Variants in RGS7 observed in about 807,000 individuals in gnomAD.
RGS7 encodes regulator of G protein signaling 7, also known as regulator of G-protein signaling 7.
RGS7 carries 27 observed loss-of-function variants against 81.1 expected under a neutral mutation model. The ratio of observed to expected loss-of-function variants is 0.33; its 90% CI spans 0.25 to 0.46. The LOEUF (loss-of-function observed/expected upper bound fraction) is 0.46, where lower values mean the gene tolerates loss of function less well. Among genes scored for constraint, RGS7 ranks in the 20% least tolerant of loss-of-function variants. The pLI is 1.00. For missense variants in RGS7, 396 were observed against 607.4 expected (o/e 0.65, Z 3.66); for synonymous variants, 208 against 207.7 (o/e 1.00, Z -0.01).
At chr1:241,058,450 C>G (rs1011151650) in intron 3 of RGS7, among the ~76,000 whole-genome samples, 2 of 152,316 alleles carry the variant, frequency 1.3e-5, no homozygotes, top group East Asian at 3.9e-4. Flanking sequence ...GCCCTCTTGG[C>G]CCTCTTCCAA....
intron 9 of RGS7, among the ~76,000 whole-genome samples, chr1:240,834,641 G>C (rs2147845330): frequency 6.6e-6 from 1 of 152,244 alleles, no homozygotes; most frequent in Non-Finnish European, 1.5e-5. Flanking sequence ...CTCCCGAGTA[G>C]CTGGGACTAC....
chr1:241,220,201 A>C (rs2074811247), intron 2 of RGS7, among the ~76,000 whole-genome samples: 1 of 152,208 alleles, frequency 6.6e-6, no homozygotes, highest in Admixed American at 6.5e-5. Flanking sequence ...GCAACTCCAG[A>C]TCTTAACTCT....
At chr1:241,339,411 G>A (rs182554344) in intron 2 of RGS7, among the ~76,000 whole-genome samples, 7 of 152,204 alleles carry the variant, frequency 4.6e-5, no homozygotes, top group East Asian at 1.9e-4. Flanking sequence ...TCAGAGTCTC[G>A]CTGTTAAGTT....
Position 241,153,495 on chromosome 1 carries a change from G to C in RGS7, c.79-54733C>G, listed in dbSNP as rs553109032. Among the ~76,000 whole-genome samples the C allele has an allele frequency of 4.6e-5, 7 of 152,246 alleles. No homozygotes were observed. The East Asian group carries it at 9.6e-4, about 21-fold the overall frequency. ...AAAAAAAGTGGTTAGATTTACAAAA[G>C]GCAAGGAAGGAAAATGTGTAAAGGG... is the stretch of plus-strand genomic sequence containing the variant. On this transcript the variant is annotated intron_variant, in intron 2 of 18. Transcript: ENST00000440928.
Position 240,858,522 on chromosome 1 carries a change from T to C in RGS7, c.609+10065A>G, listed in dbSNP as rs115942742. Among the ~76,000 whole-genome samples the C allele has an allele frequency of 3.9e-3, 589 of 152,324 alleles. 5 individuals carry two copies. The highest frequency in any genetic ancestry group is 0.014 in the African/African-American group (562 of 41,566). On this transcript the variant is annotated intron_variant, in intron 9 of 18. Transcript: ENST00000440928. ...ATCTTTTTGCCCTCTGTGTATGTTTTTTGGTGCAGTGTCTGTTCAGATCCT... is the reference window on the plus strand; with the variant it reads ...ATCTTTTTGCCCTCTGTGTATGTTTCTTGGTGCAGTGTCTGTTCAGATCCT...
At chr1:240,794,508 A>G (rs1686655297) in intron 18 of RGS7, among the ~76,000 whole-genome samples, 1 of 152,200 alleles carries the variant, frequency 6.6e-6, no homozygotes. Flanking sequence ...TCCAATGGCA[A>G]GTTTATATGT....
intron 6 of RGS7, among the ~76,000 whole-genome samples, chr1:240,902,291 C>T (rs1202269941): frequency 6.6e-6 from 1 of 152,166 alleles, no homozygotes; most frequent in East Asian, 1.9e-4. Flanking sequence ...TTAGACATAT[C>T]TCTACTTACT....
chr1:240,841,569 A>G (rs1197830159), intron 9 of RGS7, among the ~76,000 whole-genome samples: 1 of 127,668 alleles, frequency 7.8e-6, no homozygotes, highest in Non-Finnish European at 1.7e-5. Context: ...GTACTTTGAC[A>G]TTTTTCAACT....
chr1:241,202,196 C>G (rs1468469240), intron 2 of RGS7, among the ~76,000 whole-genome samples: 1 of 152,146 alleles, frequency 6.6e-6, no homozygotes, highest in Non-Finnish European at 1.5e-5. Context: ...CTGTACCTGT[C>G]TCTGTGGAAC....
intron 2 of RGS7, among the ~76,000 whole-genome samples, chr1:241,312,181 A>G (rs1231591317): frequency 1.3e-5 from 2 of 152,214 alleles, no homozygotes; most frequent in African/African-American, 4.8e-5. Flanking sequence ...TATTTATTGC[A>G]CATTTGTAAT....
At chr1:240,851,420 C>T (rs527662240) in intron 9 of RGS7, among the ~76,000 whole-genome samples, 2 of 152,334 alleles carry the variant, frequency 1.3e-5, no homozygotes, top group East Asian at 3.9e-4. Context: ...TACCCACTCA[C>T]TGACAATGCA....
chr1:241,071,953 T>A (rs945546111), intron 3 of RGS7, among the ~76,000 whole-genome samples: 1 of 151,388 alleles, frequency 6.6e-6, no homozygotes, highest in African/African-American at 2.4e-5. Context: ...TAGAATTTTA[T>A]TTTGTCTTAT....
rs760465974 is a variant in RGS7, at chr1:241,271,289, C to CG, written c.78+84409dup. 1.2e-4 allele frequency among the ~76,000 whole-genome samples: 19 copies of CG among 152,120 alleles called. No individual in the cohort carries two copies. Among genetic ancestry groups the CG allele is most frequent in the Non-Finnish European group, 2.4e-4 (16 of 68,018 alleles). On this transcript the variant is annotated intron_variant, in intron 2 of 18. Transcript: ENST00000440928. The surrounding 1 kb of genome is among the most constrained non-coding windows in gnomAD (Gnocchi z 4.6). ...CCTCCAAGTTTCCTGACATACTTGACGGGGGAGACTGGTGTCACATGAGGA... is the reference window on the plus strand; with the variant it reads ...CCTCCAAGTTTCCTGACATACTTGACGGGGGGAGACTGGTGTCACATGAGGA...
chr1:241,322,966 C>T lies in RGS7; in HGVS notation c.78+32733G>A, dbSNP rs1030838913. Among the ~76,000 whole-genome samples the T allele has an allele frequency of 3.9e-5, 6 of 152,226 alleles. No individual in the cohort carries two copies. In the East Asian group the frequency reaches 1.2e-3, roughly 29 times the overall value. ...TAAGAATACTCTGAAGGACACAAAT[C>T]AAATTGGTAGGGCCAGGAAATAAAA... On this transcript the variant is annotated intron_variant, in intron 2 of 18. Coordinates refer to ENST00000440928, the MANE Select transcript of RGS7 (RefSeq NM_001364886.1).
At chr1:241,169,675 A>G (rs888377838) in intron 2 of RGS7, among the ~76,000 whole-genome samples, 4 of 152,158 alleles carry the variant, frequency 2.6e-5, no homozygotes, top group African/African-American at 9.7e-5. Flanking sequence ...TATAATTGAA[A>G]ACAGAATATT....
At chr1:240,808,035 CAAAAAAA>C (rs34236519) in intron 14 of RGS7, among the ~76,000 whole-genome samples, 6 of 66,612 alleles carry the variant, frequency 9.0e-5, no homozygotes, top group Non-Finnish European at 1.3e-4. Flanking sequence ...AACTTCATCT[CAAAAAAA>C]AAAAAAAAAA....
Position 240,880,441 on chromosome 1 carries a change from A to G in RGS7, c.386-10322T>C, listed in dbSNP as rs577671086. Among the ~76,000 whole-genome samples the G allele has an allele frequency of 1.2e-4, 18 of 152,338 alleles. No homozygotes were observed. The South Asian group carries it at 2.1e-3, about 18-fold the overall frequency. ...AGTTCAAATAGAGACTAATGCTATT[A>G]ATCTTGGGTTTCCCATCACGGCTGT... On this transcript the variant is annotated intron_variant, in intron 6 of 18. Transcript: ENST00000440928.
At chr1:241,308,819 G>T (rs939824858) in intron 2 of RGS7, among the ~76,000 whole-genome samples, 3 of 152,148 alleles carry the variant, frequency 2.0e-5, no homozygotes, top group Admixed American at 6.5e-5. Context: ...TTCATTAATA[G>T]AAAGCCAGCT....
chr1:240,937,334 G>A lies in RGS7; in HGVS notation c.227-628C>T, dbSNP rs150136021. Among the ~76,000 whole-genome samples the A allele has an allele frequency of 1.0e-3, 156 of 152,250 alleles. 2 individuals carry two copies. Among genetic ancestry groups the A allele is most frequent in the African/African-American group, 1.5e-3 (64 of 41,538 alleles). The stretch of plus-strand genomic sequence containing the variant: ...TGAGAAATCCTTTGTTTGAGTGCTC[G>A]TTTTCCTTGCGACTCCCAGCTCTTG... On this transcript the variant is annotated intron_variant, in intron 4 of 18. Transcript: ENST00000440928.
Sources: gnomAD v4.1 joint callset for allele counts (sites outside exome capture counted in the v4.1 genomes callset) on GRCh38, gnomAD v4.1.1 for gene constraint, Gnocchi (gnomAD v3.1) non-coding constraint, MANE v1.5 for transcripts, NCBI Gene and HGNC (gene_info 2026-07-23, HGNC 2026-07-21) for gene names.